The following DOCK1 variants were observed in gnomAD, a reference collection of about 807,000 sequenced individuals.
DOCK1 encodes dedicator of cytokinesis protein 1.
DOCK1 carries 138 observed loss-of-function variants against 262.7 expected under a neutral mutation model. The ratio of observed to expected loss-of-function variants is 0.53; its 90% CI spans 0.46 to 0.61. The LOEUF is 0.61. Ranked by LOEUF, DOCK1 falls within the 20% of genes least tolerant of loss-of-function variation. The pLI, the probability that DOCK1 is intolerant of heterozygous loss-of-function variation, is 0.00. For missense variants in DOCK1, 1,908 were observed against 2,370.7 expected (o/e 0.80, Z 4.05); for synonymous variants, 866 against 867.4 (o/e 1.00, Z 0.03).
intron 1 of DOCK1, among the ~76,000 whole-genome samples, chr10:126,921,558 C>T (rs1369242548): frequency 6.6e-6 from 1 of 151,984 alleles, no homozygotes; most frequent in Non-Finnish European, 1.5e-5. Context: ...TAGGGGAGGG[C>T]GTGATGGGGA....
chr10:126,954,264 TG>T (rs1350014263), intron 1 of DOCK1, among the ~76,000 whole-genome samples: 1 of 152,250 alleles, frequency 6.6e-6, no homozygotes, highest in Non-Finnish European at 1.5e-5. Flanking sequence ...CCCTTGCAGA[TG>T]AGGCAGCTGA....
chr10:126,941,485 A>ATGTG (rs2034976146), intron 1 of DOCK1, among the ~76,000 whole-genome samples: 1 of 152,202 alleles, frequency 6.6e-6, no homozygotes, highest in African/African-American at 2.4e-5. Flanking sequence ...GGCCGGGCAC[A>ATGTG]GTGGCTCATG....
At chr10:127,094,543 C>T (rs1266511989) in intron 23 of DOCK1, among the ~76,000 whole-genome samples, 3 of 152,152 alleles carry the variant, frequency 2.0e-5, no homozygotes, top group Non-Finnish European at 2.9e-5. Context: ...GGGCTAGAGC[C>T]TGGGACAGCG....
At chr10:127,203,041 A>T (rs563475901) in intron 27 of DOCK1, among the ~76,000 whole-genome samples, 71 of 152,330 alleles carry the variant, frequency 4.7e-4, no homozygotes, top group African/African-American at 1.7e-3. Flanking sequence ...TGAAATAAAA[A>T]CAGGCACTGA....
Position 127,418,361 on chromosome 10 carries a change from G to T in DOCK1, c.4516-4G>T, listed in dbSNP as rs373944192. The T allele has an allele frequency of 1.2e-6, 2 of 1,606,066 alleles. No homozygotes were observed. Among genetic ancestry groups the T allele is most frequent in the Admixed American group, 3.4e-5 (2 of 59,408 alleles). On this transcript the variant is annotated splice_region_variant and splice_polypyrimidine_tract_variant and intron_variant, in intron 44 of 51. Coordinates refer to ENST00000623213, the MANE Select transcript of DOCK1 (RefSeq NM_001290223.2). ...TGACATCGGGCTCTCCTCTCTCTTT[G>T]CAGGTGGAAATCAGCCCCCTGGAGA... is the stretch of plus-strand genomic sequence containing the variant.
chr10:127,434,633 G>T (rs2134667378), intron 48 of DOCK1, among the ~76,000 whole-genome samples: 2 of 150,054 alleles, frequency 1.3e-5, no homozygotes, highest in South Asian at 4.2e-4. Context: ...CCCCACCCCT[G>T]ACACCCTGAC....
intron 29 of DOCK1, among the ~76,000 whole-genome samples, chr10:127,318,310 G>A (rs1330530207): frequency 1.3e-5 from 2 of 152,212 alleles, no homozygotes; most frequent in Non-Finnish European, 2.9e-5. Context: ...GTGGAGAGGA[G>A]GCACACTGGA....
rs1483429564 is a variant in DOCK1 at position 127,444,277 on chromosome 10, C to G, written c.5411C>G (p.Ser1804Trp). The change falls in exon 50 of 52, where the codon TCG becomes TGG. Residue 1804 changes from serine (S) to tryptophan (W), a missense_variant and splice_region_variant. Around this residue, in one of 9 missense-constraint regions of DOCK1, gnomAD observed 383 missense variants for 420.1 expected, o/e 0.91. Transcript: ENST00000623213. ...GCCAAGCTCAGCTTCAGCATGCAGT[C>G]GAGTAAGTGGAACGCTCCCCACATA... ...PRAKLSFSMQ[S>W]SLELNGMTGA... 2 of 1,603,640 alleles carry G rather than the reference C, an allele frequency of 1.2e-6. No homozygotes were observed. The highest frequency in any genetic ancestry group is 1.4e-5 in the African/African-American group (1 of 74,062).
chr10:127,009,008 G>A (rs1439004432), intron 11 of DOCK1, among the ~76,000 whole-genome samples: 1 of 152,182 alleles, frequency 6.6e-6, no homozygotes, highest in Admixed American at 6.5e-5. Context: ...TATGGTCCTG[G>A]AAGTAGGAGA....
chr10:127,023,296 T>C lies in DOCK1; in HGVS notation c.1424T>C (p.Val475Ala). 1 of 1,613,226 alleles carries C rather than the reference T, an allele frequency of 6.2e-7. No homozygotes were observed. The highest frequency in any genetic ancestry group is 8.5e-7 in the Non-Finnish European group (1 of 1,179,708). Reference sequence around the variant, plus strand: ...AAGAACGTGGAGGTCACGGTGTCTGTGTACGATGAGGATGGGAAACGATTA... The same window carrying C: ...AAGAACGTGGAGGTCACGGTGTCTGCGTACGATGAGGATGGGAAACGATTA... ...TAKNVEVTVS[V>A]YDEDGKRLEH... The change falls in exon 14 of 52, where the codon GTG becomes GCG. Residue 475 changes from valine (V) to alanine (A), a missense_variant. Val to Ala is a moderately conservative substitution (Grantham distance 64). Around this residue, in one of 9 missense-constraint regions of DOCK1, gnomAD observed 294 missense variants for 439.9 expected, o/e 0.67. Transcript: ENST00000623213.
At position 126,963,633 on chromosome 10, in the gene DOCK1, C is replaced by CCCCTCCTTCCTTCCTTCCTT. The variant is rs2037427221; in HGVS notation, c.47-7067_47-7066insCTCCTTCCTTCCTTCCTTCC. ...CCCTTCCCTTCCCTTCCCTTCCCTT[C>CCCCTCCTTCCTTCCTTCCTT]CCTTCCCTCCTTCCTTCCTTCCTTC... On this transcript the variant is annotated intron_variant, in intron 1 of 51. Transcript: ENST00000623213. 2.4e-3 allele frequency among the ~76,000 whole-genome samples: 161 copies of CCCCTCCTTCCTTCCTTCCTT among 65,864 alleles called. 6 individuals carry two copies. In the Middle Eastern group the frequency reaches 0.034, roughly 14 times the overall value. 43.2% of individuals were successfully genotyped at this position (65,864 alleles called of 152,430 possible).
At chr10:127,363,013 CCACACA>C (rs768899518) in intron 33 of DOCK1, among the ~76,000 whole-genome samples, 1 of 37,244 alleles carries the variant, frequency 2.7e-5, no homozygotes, top group Admixed American at 2.5e-4. Context: ...ACGCACATCC[CCACACA>C]CACACACACA....
At chr10:127,197,934 C>T (rs2057287340) in intron 27 of DOCK1, among the ~76,000 whole-genome samples, 1 of 152,222 alleles carries the variant, frequency 6.6e-6, no homozygotes, top group African/African-American at 2.4e-5. Context: ...TCCCTCTTTA[C>T]CCCGCAGCAT....
chr10:126,914,147 G>A (rs1296340970), intron 1 of DOCK1, among the ~76,000 whole-genome samples: 2 of 152,174 alleles, frequency 1.3e-5, no homozygotes, highest in Non-Finnish European at 2.9e-5. Flanking sequence ...GCCCCTGCCT[G>A]TTGCAAAGTG....
intron 21 of DOCK1, among the ~76,000 whole-genome samples, chr10:127,044,067 C>A (rs1052873546): frequency 2.0e-5 from 3 of 152,084 alleles, no homozygotes; most frequent in African/African-American, 7.2e-5. Flanking sequence ...GTGTGAGTTA[C>A]AGCAAAACAT....
chr10:127,429,398 C>T (rs975421746), intron 47 of DOCK1, among the ~76,000 whole-genome samples: 3 of 152,036 alleles, frequency 2.0e-5, no homozygotes, highest in Non-Finnish European at 2.9e-5. Flanking sequence ...GGCAATAAAA[C>T]GCAGTCTGGG....
chr10:127,284,195 T>C (rs957451108), intron 29 of DOCK1, among the ~76,000 whole-genome samples: 1 of 152,212 alleles, frequency 6.6e-6, no homozygotes, highest in African/African-American at 2.4e-5. Flanking sequence ...AACATTGTTA[T>C]ACTATGCTCA....
At chr10:127,389,979 A>G (rs535067223) in intron 38 of DOCK1, among the ~76,000 whole-genome samples, 2 of 148,544 alleles carry the variant, frequency 1.3e-5, no homozygotes, top group South Asian at 4.3e-4. Context: ...GAGCCACTGC[A>G]CTCCAGCCTG....
chr10:126,994,544 A>G lies in DOCK1; in HGVS notation c.474-2204A>G, dbSNP rs567913097. On this transcript the variant is annotated intron_variant, in intron 6 of 51. Coordinates refer to ENST00000623213, the MANE Select transcript of DOCK1 (RefSeq NM_001290223.2). ...ACTCTTAAGGAGCATGCTGCCTTCA[A>G]GCATCTGTTTAACAAAGCACATCTT... Among the ~76,000 whole-genome samples, 38 of 152,342 alleles carry G rather than the reference A, an allele frequency of 2.5e-4. 1 individual carries two copies. The East Asian group carries it at 5.4e-3, about 22-fold the overall frequency.
Sources: gnomAD v4.1 joint callset for allele counts (sites outside exome capture counted in the v4.1 genomes callset) on GRCh38, gnomAD v4.1.1 for gene constraint, gnomAD v4.1.1 regional missense constraint, MANE v1.5 for transcripts, NCBI Gene and HGNC (gene_info 2026-07-23, HGNC 2026-07-21) for gene names.